GATD1: variants seen among roughly 807,000 people sequenced by gnomAD.
GATD1 encodes the protein glutamine amidotransferase class 1 domain containing 1, also known as glutamine amidotransferase-like class 1 domain-containing protein 1.
GATD1 carries 23 observed loss-of-function variants against 25.9 expected under a neutral mutation model. That is an observed-to-expected ratio of 0.89 (90% CI 0.64 to 1.26). The LOEUF (loss-of-function observed/expected upper bound fraction) is 1.26. Among genes scored for constraint, GATD1 ranks in the 50% most tolerant of loss-of-function variants. GATD1 has a pLI of 0.00. For missense variants in GATD1, 347 were observed against 312.5 expected, an observed-to-expected ratio of 1.11 and a Z score of -0.83; for synonymous variants, 177 against 134.6, an observed-to-expected ratio of 1.31 and a Z score of -2.18.
At position 767,675 on chromosome 11, in the gene GATD1, G is replaced by A; in HGVS notation, c.*3222C>T. 1 of 1,163,242 alleles carries A rather than the reference G, an allele frequency of 8.6e-7. No homozygotes were observed. Among genetic ancestry groups the A allele is most frequent in the Non-Finnish European group, 1.1e-6 (1 of 935,772 alleles). The allele number at this position is 1,163,242 out of a possible 1,614,324, so 72.1% of individuals were successfully genotyped here. A position where few individuals can be genotyped will look rare whatever the true frequency, so the allele number is the denominator to read the frequency against. The stretch of plus-strand genomic sequence containing the variant: ...CTTAAGTCCTCACCTGCAAGGGGAT[G>A]GTATTAGGTGGGGCATTTGGGAGGT... On this transcript the variant is annotated 3_prime_UTR_variant, in exon 8 of 8. Transcript: ENST00000319863.
chr11:776,526 G>A (rs1373113690), intron 1 of GATD1, among the ~76,000 whole-genome samples: 1 of 150,480 alleles, frequency 6.6e-6, no homozygotes, highest in Non-Finnish European at 1.5e-5. Flanking sequence ...CCCCACTCGA[G>A]GCTCCTCCCA....
chr11:776,416 C>A (rs1319271486), intron 1 of GATD1, among the ~76,000 whole-genome samples: 1 of 152,166 alleles, frequency 6.6e-6, no homozygotes, highest in South Asian at 2.1e-4. Context: ...AGTGCTGCCC[C>A]CAGCCTGCTG....
chr11:770,380 G>A lies in GATD1; in HGVS notation c.*517C>T. On this transcript the variant is annotated 3_prime_UTR_variant, in exon 8 of 8. Coordinates refer to ENST00000319863, the MANE Select transcript of GATD1 (RefSeq NM_182612.4). Reference sequence around the variant, plus strand: ...GTGCTGCCAGTGCCGGTCGGCCTTGGGGCAGGAGGCTGCTGCTCCTAAAAA... The same window carrying A: ...GTGCTGCCAGTGCCGGTCGGCCTTGAGGCAGGAGGCTGCTGCTCCTAAAAA... 6.5e-7 allele frequency: 1 copy of A among 1,530,778 alleles called. No homozygotes were observed. Among genetic ancestry groups the A allele is most frequent in the South Asian group, 1.2e-5 (1 of 83,734 alleles). 94.8% of individuals were successfully genotyped at this position (1,530,778 alleles called of 1,614,324 possible).
At position 769,634 on chromosome 11, in the gene GATD1, G is replaced by C. The variant is rs920846898; in HGVS notation, c.*1263C>G. The C allele has an allele frequency of 1.3e-5, 2 of 152,080 alleles. No homozygotes were observed. Among genetic ancestry groups the C allele is most frequent in the African/African-American group, 4.9e-5 (2 of 40,852 alleles). The allele number at this position is 152,080 out of a possible 1,614,324, so 9.4% of individuals were successfully genotyped here. On this transcript the variant is annotated 3_prime_UTR_variant, in exon 8 of 8. Coordinates refer to ENST00000319863, the MANE Select transcript of GATD1 (RefSeq NM_182612.4). ...AACTGAACGTTTTTTTTTTGAGATG[G>C]AGTCTCACTCTATTGCCCAGGCTGG...
In GATD1 at chr11:771,069, G is replaced by A. The variant is rs758640162; in HGVS notation, c.580C>T (p.Arg194Cys). Residue 194 changes from arginine to cysteine, a missense_variant, in exon 7 of 8, where the codon CGC becomes TGC. Transcript: ENST00000319863. ...GCATTCTGGCCTGTGACCAGGTGGC[G>A]GTCCAGCACGACGTGGACAGCGTCA... Reference protein sequence around the residue: ...EPDAVHVVLDRHLVTGQNASS... With the variant: ...EPDAVHVVLDCHLVTGQNASS... 40 of 1,610,142 alleles carry A rather than the reference G, an allele frequency of 2.5e-5. No homozygotes were observed. Among genetic ancestry groups the A allele is most frequent in the South Asian group, 1.1e-4 (10 of 90,804 alleles).
In GATD1 at chr11:777,468, G is replaced by C. The variant is rs945928653; in HGVS notation, c.-6C>G. 1 of 1,233,842 alleles carries C rather than the reference G, an allele frequency of 8.1e-7. No homozygotes were observed. Among genetic ancestry groups the C allele is most frequent in the Admixed American group, 4.4e-5 (1 of 22,780 alleles). 76.4% of individuals were successfully genotyped at this position (1,233,842 alleles called of 1,614,324 possible). A position where few individuals can be genotyped will look rare whatever the true frequency, so the allele number is the denominator to read the frequency against. On this transcript the variant is annotated 5_prime_UTR_variant, in exon 1 of 8. Transcript: ENST00000319863. ...GGGAGCCGCTCGGACGCCATGGCTC[G>C]GGCTCGGCGCTGGGTCTGCGCGTGC...
chr11:777,302 G>A (rs2133665061), intron 1 of GATD1, 97 bp downstream of exon 1: 2 of 1,002,284 alleles, frequency 2.0e-6, no homozygotes, highest in East Asian at 4.2e-5. Context: ...GGCCTCCGGC[G>A]CCACGTGACG....
chr11:775,189 C>G, intron 1 of GATD1, 47 bp from the exon 2 acceptor site: 1 of 1,521,344 alleles, frequency 6.6e-7, no homozygotes, highest in Non-Finnish European at 8.9e-7. Context: ...CTAGCGTGCC[C>G]CGCCTCAGGG....
intron 1 of GATD1, among the ~76,000 whole-genome samples, chr11:775,660 C>T (rs532620870): frequency 6.6e-6 from 1 of 152,200 alleles, no homozygotes; most frequent in East Asian, 1.9e-4. Context: ...GTGTCCTGGC[C>T]CCCCCTCACC....
At position 770,887 on chromosome 11, in the gene GATD1, C is replaced by T. The variant is rs1297453464; in HGVS notation, c.*10G>A. The T allele has an allele frequency of 1.2e-6, 2 of 1,604,002 alleles. No homozygotes were observed. The highest frequency in any genetic ancestry group is 1.1e-5 in the South Asian group (1 of 89,558). ...TGGGCTGTCTCAGGGGGTGCATCTACCCAGCAGGTTCATTTCCTGCAGGAC... is the reference window on the plus strand; with the variant it reads ...TGGGCTGTCTCAGGGGGTGCATCTATCCAGCAGGTTCATTTCCTGCAGGAC... On this transcript the variant is annotated 3_prime_UTR_variant, in exon 8 of 8. Transcript: ENST00000319863.
intron 2 of GATD1, among the ~76,000 whole-genome samples, chr11:774,428 C>T (rs927826187): frequency 1.3e-5 from 2 of 152,254 alleles, no homozygotes; most frequent in Non-Finnish European, 2.9e-5. Context: ...GGGTCCCCCA[C>T]GATCAGAGGG....
chr11:773,906 G>C, intron 3 of GATD1, 102 bp downstream of exon 3: 1 of 1,030,384 alleles, frequency 9.7e-7, no homozygotes, highest in Non-Finnish European at 1.4e-6. Flanking sequence ...AGGGCTTCAG[G>C]GGCTGAGCTA....
chr11:772,718 G>A, intron 4 of GATD1, 197 bp from the exon 5 acceptor site: 1 of 599,182 alleles, frequency 1.7e-6, no homozygotes. Flanking sequence ...ATCTGCTCGG[G>A]GGAGCTGGTG....
Position 767,647 on chromosome 11 carries a change from CTGCT to C in GATD1, c.*3246_*3249del, listed in dbSNP as rs1244582432. The C allele has an allele frequency of 6.2e-6, 8 of 1,284,232 alleles. No individual in the cohort carries two copies. The highest frequency in any genetic ancestry group is 2.0e-5 in the South Asian group (1 of 50,008). The allele number at this position is 1,284,232 out of a possible 1,614,324, so 79.6% of individuals were successfully genotyped here. On this transcript the variant is annotated 3_prime_UTR_variant, in exon 8 of 8. Transcript: ENST00000319863. ...CTGAGCACGTCCCCCCAAAACCCAC[CTGCT>C]TAAGTCCTCACCTGCAAGGGGATGG...
rs996513135 is a variant in GATD1 at position 774,078 on chromosome 11, GCT to G, written c.175_176del (p.Ser59GlnfsTer58). The part of the protein sequence containing the change: ...KAMEFVDVTE[S>X]NARWVQDFRL... ...GGAAGTCTTGCACCCAGCGTGCATT[GCT>G]CTCAGTCACATCCACAAATTCCATG... is the stretch of plus-strand genomic sequence containing the variant. On this transcript the variant is annotated frameshift_variant, in exon 3 of 8. Coordinates refer to ENST00000319863, the MANE Select transcript of GATD1 (RefSeq NM_182612.4). LOFTEE classifies it high-confidence loss of function. 4 of 1,613,606 alleles carry G rather than the reference GCT, an allele frequency of 2.5e-6. No homozygotes were observed. Among genetic ancestry groups the G allele is most frequent in the African/African-American group, 2.7e-5 (2 of 74,936 alleles).
intron 1 of GATD1, chr11:777,100 G>A (rs1864066457): frequency 8.0e-6 from 2 of 248,898 alleles, no homozygotes; most frequent in Non-Finnish European, 1.5e-5. Flanking sequence ...GGCCCGGGCC[G>A]CCTCGCCGGG....
At chr11:776,954 G>C (rs1864048776) in intron 1 of GATD1, 1 of 153,548 alleles carries the variant, frequency 6.5e-6, no homozygotes, top group South Asian at 2.1e-4. Context: ...AGAAGGTCAG[G>C]GTCCCCGCGG....
chr11:776,927 T>G (rs1864046410), intron 1 of GATD1: 1 of 152,476 alleles, frequency 6.6e-6, no homozygotes, highest in Non-Finnish European at 1.5e-5. Flanking sequence ...CCGGGTCTCC[T>G]CAGAAGCCGG....
At position 773,613 on chromosome 11, in the gene GATD1, G is replaced by A; in HGVS notation, c.264C>T (p.Ala88=). 1.2e-6 allele frequency: 2 copies of A among 1,608,238 alleles called. No individual in the cohort carries two copies. Among genetic ancestry groups the A allele is most frequent in the Non-Finnish European group, 1.7e-6 (2 of 1,178,512 alleles). ...CCCCAGGACAGCTGGGGATCAGGAG[G>A]GCATGGTACCGGGCACCTGGGGGGA... The part of the protein sequence containing the change: ...LESIDGARYH[A]LLIPSCPGAL... The change falls in exon 4 of 8, where the codon GCC becomes GCT. Residue 88 remains alanine, a synonymous_variant. Transcript: ENST00000319863.
Sources: gnomAD v4.1 joint callset for allele counts (sites outside exome capture counted in the v4.1 genomes callset) on GRCh38, gnomAD v4.1.1 for gene constraint, MANE v1.5 for transcripts, NCBI Gene and HGNC (gene_info 2026-07-23, HGNC 2026-07-21) for gene names.